Variants in TMEM51 observed in about 807,000 individuals in gnomAD.
TMEM51 encodes the protein transmembrane protein 51.
TMEM51 carries 8 observed loss-of-function variants against 13.6 expected under a neutral mutation model. That is an observed-to-expected ratio of 0.59 (90% CI 0.35 to 1.07). The LOEUF (loss-of-function observed/expected upper bound fraction) is 1.07. Ranked by LOEUF, TMEM51 falls within the 50% of genes least tolerant of loss-of-function variation. TMEM51 has a pLI of 0.02. For missense variants in TMEM51, 279 were observed against 330.7 expected (o/e 0.84, Z 1.21); for synonymous variants, 147 against 144.4 (o/e 1.02, Z -0.13).
intron 1 of TMEM51, among the ~76,000 whole-genome samples, chr1:15,201,002 T>C (rs1644145265): frequency 6.6e-6 from 1 of 152,206 alleles, no homozygotes; most frequent in African/African-American, 2.4e-5. Flanking sequence ...CTCACACCTG[T>C]ATATGGCACC....
chr1:15,192,398 T>C (rs1023560763), intron 1 of TMEM51: 2 of 413,076 alleles, frequency 4.8e-6, no homozygotes, highest in South Asian at 4.1e-5. Context: ...TTGGAATCCT[T>C]GCTCCAGGTC....
chr1:15,170,638 A>G (rs1431087771), intron 1 of TMEM51, among the ~76,000 whole-genome samples: 1 of 151,998 alleles, frequency 6.6e-6, no homozygotes, highest in Non-Finnish European at 1.5e-5. Flanking sequence ...TAAGTGTACA[A>G]TTCTGGGACA....
intron 1 of TMEM51, among the ~76,000 whole-genome samples, chr1:15,178,320 C>T (rs1643511936): frequency 6.6e-6 from 1 of 152,154 alleles, no homozygotes; most frequent in Non-Finnish European, 1.5e-5. Flanking sequence ...CCCCACCTGT[C>T]TCTATATCCT....
intron 1 of TMEM51, among the ~76,000 whole-genome samples, chr1:15,159,836 T>G (rs1642715081): frequency 6.6e-6 from 1 of 151,582 alleles, no homozygotes; most frequent in African/African-American, 2.4e-5. Flanking sequence ...ACACCTAGCC[T>G]TCTTCTTTTT....
rs1644408328 is a variant in TMEM51, at chr1:15,215,201, C to G, written c.114C>G (p.Ser38Arg). The change falls in exon 3 of 4, where the codon AGC becomes AGG. Residue 38 changes from serine (S) to arginine (R), a missense_variant. Physicochemically the swap from Ser to Arg is moderately radical, Grantham distance 110 (BLOSUM62 -1). Coordinates refer to ENST00000376008, the MANE Select transcript of TMEM51 (RefSeq NM_001136218.2). ...MAMWNLVPGF[S>R]AAEKPTAQGS... ...TGTGGAACCTGGTACCCGGCTTCAGCGCGGCCGAGAAGCCAACAGCTCAGG... is the reference window on the plus strand; with the variant it reads ...TGTGGAACCTGGTACCCGGCTTCAGGGCGGCCGAGAAGCCAACAGCTCAGG... 1.9e-6 allele frequency: 3 copies of G among 1,614,072 alleles called. No individual in the cohort carries two copies. The highest frequency in any genetic ancestry group is 2.2e-5 in the East Asian group (1 of 44,904).
At chr1:15,206,609 A>G (rs4661603) in intron 1 of TMEM51, among the ~76,000 whole-genome samples, 126,803 of 152,130 alleles carry the variant, frequency 0.83, 53,508 homozygotes, top group East Asian at 0.97. Flanking sequence ...ATGGTGGGGC[A>G]GATCATTCCT....
intron 1 of TMEM51, among the ~76,000 whole-genome samples, chr1:15,196,173 C>T (rs1157549386): frequency 3.3e-5 from 5 of 152,220 alleles, no homozygotes; most frequent in African/African-American, 1.2e-4. Flanking sequence ...TGGACAGCCT[C>T]ACCCACGGGC....
intron 1 of TMEM51, among the ~76,000 whole-genome samples, chr1:15,190,516 A>G (rs1446310093): frequency 2.6e-5 from 4 of 152,182 alleles, no homozygotes; most frequent in Non-Finnish European, 4.4e-5. Context: ...GGGACACTCC[A>G]GGAAAAGCCA....
chr1:15,179,973 C>CTAAGATCTGTGTATAG (rs1553199976), intron 1 of TMEM51, among the ~76,000 whole-genome samples: 1 of 152,194 alleles, frequency 6.6e-6, no homozygotes, highest in Non-Finnish European at 1.5e-5. Context: ...TAAGTGTACA[C>CTAAGATCTGTGTATAG]TAAGATCTGT....
intron 2 of TMEM51, among the ~76,000 whole-genome samples, chr1:15,212,172 A>G (rs964364847): frequency 7.2e-5 from 11 of 152,190 alleles, no homozygotes; most frequent in African/African-American, 2.7e-4. Flanking sequence ...TATAGAGCCA[A>G]AGGGTATAAA....
At chr1:15,164,809 T>TTTCC (rs1642930915) in intron 1 of TMEM51, among the ~76,000 whole-genome samples, 2 of 34,534 alleles carry the variant, frequency 5.8e-5, no homozygotes, top group African/African-American at 3.1e-4. Context: ...TTTTTTTCCT[T>TTTCC]TTTTTTTTTT....
chr1:15,187,406 G>A (rs11588137), intron 1 of TMEM51, among the ~76,000 whole-genome samples: 10,304 of 152,246 alleles, frequency 0.068, 533 homozygotes, highest in East Asian at 0.29. Flanking sequence ...GTCTCACTGC[G>A]GCTTCTTCTC....
At chr1:15,195,306 T>G (rs1026229657) in intron 1 of TMEM51, among the ~76,000 whole-genome samples, 1 of 152,140 alleles carries the variant, frequency 6.6e-6, no homozygotes, top group African/African-American at 2.4e-5. Flanking sequence ...GAAAATTAAT[T>G]TTAATAATAG....
At chr1:15,183,564 A>T (rs1409665756) in intron 1 of TMEM51, among the ~76,000 whole-genome samples, 3 of 152,254 alleles carry the variant, frequency 2.0e-5, no homozygotes, top group African/African-American at 7.2e-5. Flanking sequence ...TCTTGTAAAG[A>T]AAACTTACTA....
intron 2 of TMEM51, among the ~76,000 whole-genome samples, 198 bp downstream of exon 2, chr1:15,210,760 G>A (rs1219344162): frequency 6.6e-6 from 1 of 152,086 alleles, no homozygotes; most frequent in Non-Finnish European, 1.5e-5. Context: ...GAAGCCGTGT[G>A]GTCCAAATCC....
At chr1:15,215,464 T>A in intron 3 of TMEM51, 33 bp downstream of exon 3, 2 of 1,544,788 alleles carry the variant, frequency 1.3e-6, no homozygotes, top group Non-Finnish European at 1.7e-6. Context: ...CCTCCCCGGA[T>A]CGGGGATGGG....
At position 15,212,845 on chromosome 1, in the gene TMEM51, G is replaced by A. The variant is rs116480930; in HGVS notation, c.-193-2050G>A. Among the ~76,000 whole-genome samples the A allele has an allele frequency of 2.8e-3, 424 of 152,324 alleles. 3 individuals are homozygous for A. The highest frequency in any genetic ancestry group is 9.6e-3 in the African/African-American group (398 of 41,572). On this transcript the variant is annotated intron_variant, in intron 2 of 3. Coordinates refer to ENST00000376008, the MANE Select transcript of TMEM51 (RefSeq NM_001136218.2). ...TGCATATGTACATAGGTGCTCGCAC[G>A]CATGCACATGTGCTCATGTGTGCAT...
At chr1:15,211,773 G>A (rs1304406753) in intron 2 of TMEM51, among the ~76,000 whole-genome samples, 3 of 146,352 alleles carry the variant, frequency 2.0e-5, no homozygotes, top group African/African-American at 5.1e-5. Flanking sequence ...TACACTTTCC[G>A]AGTTTCCTTC....
intron 1 of TMEM51, among the ~76,000 whole-genome samples, chr1:15,206,058 G>A (rs563721254): frequency 1.1e-4 from 16 of 152,222 alleles, no homozygotes; most frequent in Admixed American, 6.5e-4. Context: ...GCAACAGAGC[G>A]AGACCCTTTC....
Sources: gnomAD v4.1 joint callset for allele counts (sites outside exome capture counted in the v4.1 genomes callset) on GRCh38, gnomAD v4.1.1 for gene constraint, MANE v1.5 for transcripts, NCBI Gene and HGNC (gene_info 2026-07-23, HGNC 2026-07-21) for gene names.